Variants in MYO1E observed in about 807,000 individuals in gnomAD.
MYO1E encodes myosin IE, also known as unconventional myosin-Ie.
In MYO1E, 68 loss-of-function variants were observed where a neutral mutation model predicts 151.1. The ratio of observed to expected loss-of-function variants is 0.45; its 90% CI spans 0.37 to 0.55. The LOEUF (loss-of-function observed/expected upper bound fraction) is 0.55, where lower values mean the gene tolerates loss of function less well. MYO1E is among the 20% of genes least tolerant of loss of function. The pLI is 0.00. For synonymous variants in MYO1E, 601 were observed against 501.7 expected (o/e 1.20, Z -2.64); for missense variants, 1,363 against 1,389.3 (o/e 0.98, Z 0.30).
At position 59,210,532 on chromosome 15, in the gene MYO1E, G is replaced by T. The variant is rs377513196; in HGVS notation, c.1344C>A (p.Asp448Glu). The T allele has an allele frequency of 6.9e-6, 11 of 1,598,268 alleles. No homozygotes were observed. Among genetic ancestry groups the T allele is most frequent in the African/African-American group, 1.3e-5 (1 of 74,566 alleles). ...IEYFNNKIVCDLIENKVNPPG... is the reference protein window; with the variant it reads ...IEYFNNKIVCELIENKVNPPG... ...CACTTACCACTTTGTTCTCTATGAG[G>T]TCACATACGATTTTATTATTAAAGT... The change falls in exon 13 of 28, where the codon GAC (aspartate) becomes GAA (glutamate). Residue 448 changes from aspartate to glutamate, a missense_variant. Physicochemically the swap from Asp to Glu is conservative, Grantham distance 45. Coordinates refer to ENST00000288235, the MANE Select transcript of MYO1E (RefSeq NM_004998.4).
intron 1 of MYO1E, among the ~76,000 whole-genome samples, chr15:59,367,947 CT>C (rs1338984159): frequency 6.6e-6 from 1 of 152,010 alleles, no homozygotes; most frequent in African/African-American, 2.4e-5. Context: ...TGGTAAAACC[CT>C]GTCTCTACTA....
chr15:59,251,345 A>G (rs1361974271), intron 4 of MYO1E, among the ~76,000 whole-genome samples: 2 of 152,234 alleles, frequency 1.3e-5, no homozygotes, highest in African/African-American at 4.8e-5. Flanking sequence ...TGATGTCTGT[A>G]GGAAAACTAG....
intron 1 of MYO1E, among the ~76,000 whole-genome samples, chr15:59,322,210 AAACT>A: frequency 6.6e-6 from 1 of 152,096 alleles, no homozygotes; most frequent in African/African-American, 2.4e-5. Flanking sequence ...AAGAAAAGAA[AAACT>A]AACTATTGGG....
At chr15:59,273,924 C>T (rs1353634436) in intron 1 of MYO1E, among the ~76,000 whole-genome samples, 1 of 151,918 alleles carries the variant, frequency 6.6e-6, no homozygotes, top group African/African-American at 2.4e-5. Context: ...ATAAGGGTAT[C>T]TAGAAAGGCC....
At chr15:59,234,931 C>T (rs1414152929) in intron 5 of MYO1E, among the ~76,000 whole-genome samples, 1 of 150,850 alleles carries the variant, frequency 6.6e-6, no homozygotes, top group Non-Finnish European at 1.5e-5. Flanking sequence ...ATTTAAAAAA[C>T]TAATCTTTGG....
intron 26 of MYO1E, among the ~76,000 whole-genome samples, chr15:59,143,544 T>C (rs557647603): frequency 6.6e-6 from 1 of 152,246 alleles, no homozygotes; most frequent in South Asian, 2.1e-4. Context: ...TACACCCTTC[T>C]TGTGAGGGCT....
chr15:59,214,836 CAG>C (rs2079903456), intron 10 of MYO1E, 116 bp from the exon 11 acceptor site: 1 of 834,600 alleles, frequency 1.2e-6, no homozygotes, highest in Non-Finnish European at 2.1e-6. Flanking sequence ...TTGCAGGAAA[CAG>C]AGGACAAGTG....
intron 2 of MYO1E, among the ~76,000 whole-genome samples, chr15:59,267,470 G>C (rs1055549679): frequency 1.3e-5 from 2 of 152,204 alleles, no homozygotes; most frequent in South Asian, 2.1e-4. Context: ...CCTGGAACTC[G>C]AAGCTTTGGC....
At chr15:59,155,050 TC>T (rs2079502057) in intron 25 of MYO1E, among the ~76,000 whole-genome samples, 2 of 151,974 alleles carry the variant, frequency 1.3e-5, no homozygotes. Context: ...TCCCACAGGG[TC>T]TGGGGATGGG....
chr15:59,162,130 G>T (rs1288365009), intron 23 of MYO1E, among the ~76,000 whole-genome samples: 4 of 152,100 alleles, frequency 2.6e-5, no homozygotes, highest in Non-Finnish European at 4.4e-5. Flanking sequence ...TCTGCCTCCT[G>T]GGCTCAAGTA....
At position 59,295,973 on chromosome 15, in the gene MYO1E, G is replaced by A. The variant is rs116193967; in HGVS notation, c.4-23524C>T. Among the ~76,000 whole-genome samples the A allele has an allele frequency of 2.8e-3, 431 of 152,296 alleles. 1 individual carries two copies. The highest frequency in any genetic ancestry group is 0.01 in the African/African-American group (416 of 41,538). On this transcript the variant is annotated intron_variant, in intron 1 of 27. Transcript: ENST00000288235. ...CTTAGACCTAAAGAGGGGGCAGGAG[G>A]AGGGAACCAGAACCAGCAGTGGAGC...
chr15:59,254,388 T>C (rs1028044654), intron 4 of MYO1E, among the ~76,000 whole-genome samples: 39 of 152,278 alleles, frequency 2.6e-4, no homozygotes, highest in African/African-American at 8.7e-4. Context: ...CAGGGTTTGC[T>C]ATGTTGTCCG....
intron 3 of MYO1E, among the ~76,000 whole-genome samples, chr15:59,257,436 C>T (rs997358867): frequency 1.2e-4 from 18 of 152,146 alleles, no homozygotes; most frequent in Admixed American, 5.2e-4. Flanking sequence ...GGAATAATAG[C>T]GTCCAAGCTG....
chr15:59,340,979 ACAGCACTC>A (rs2080761491), intron 1 of MYO1E, among the ~76,000 whole-genome samples: 1 of 147,362 alleles, frequency 6.8e-6, no homozygotes, highest in African/African-American at 2.5e-5. Context: ...AGATCCCGCC[ACAGCACTC>A]CAGCCTGGGA....
At chr15:59,220,406 G>A (rs982558887) in intron 9 of MYO1E, among the ~76,000 whole-genome samples, 7 of 152,308 alleles carry the variant, frequency 4.6e-5, no homozygotes, top group African/African-American at 1.2e-4. Context: ...CCGAGATAGC[G>A]CCACTGCGCT....
intron 26 of MYO1E, among the ~76,000 whole-genome samples, chr15:59,143,193 C>T (rs2079421234): frequency 6.6e-6 from 1 of 152,158 alleles, no homozygotes. Flanking sequence ...AGGTTGTGGA[C>T]AACTGCTACC....
intron 1 of MYO1E, among the ~76,000 whole-genome samples, chr15:59,276,007 C>A (rs1264758192): frequency 6.6e-6 from 1 of 152,164 alleles, no homozygotes; most frequent in Non-Finnish European, 1.5e-5. Flanking sequence ...CACGCACTAT[C>A]CTACGCTCTA....
At chr15:59,254,865 G>A (rs545115633) in intron 4 of MYO1E, among the ~76,000 whole-genome samples, 366 of 151,782 alleles carry the variant, frequency 2.4e-3, no homozygotes, top group African/African-American at 8.0e-3. Context: ...TCAGTCTGTC[G>A]CCCAGGCTGG....
chr15:59,356,423 C>G (rs2080852790), intron 1 of MYO1E, among the ~76,000 whole-genome samples: 1 of 152,158 alleles, frequency 6.6e-6, no homozygotes, highest in Admixed American at 6.6e-5. Flanking sequence ...ATTCTATCAG[C>G]TGAGTACCCA....
Sources: allele counts gnomAD v4.1 joint callset (sites outside exome capture counted in the v4.1 genomes callset), GRCh38; gene constraint gnomAD v4.1.1; transcripts MANE v1.5; gene names NCBI Gene and HGNC (gene_info 2026-07-23, HGNC 2026-07-21).